Variants in CCSER1 observed in about 807,000 individuals in gnomAD.
The protein encoded by CCSER1 is serine-rich coiled-coil domain-containing protein 1.
A neutral mutation model predicts 82.0 loss-of-function variants in CCSER1; 41 were observed. The observed-to-expected ratio is 0.50, with a 90% CI of 0.39 to 0.65. CCSER1 has a LOEUF of 0.65. CCSER1 is among the 30% of genes least tolerant of loss of function. The pLI is 0.00. For missense variants in CCSER1, 1,119 were observed against 1,064.2 expected (o/e 1.05, Z -0.72); for synonymous variants, 414 against 383.9 (o/e 1.08, Z -0.92).
chr4:91,554,574 C>T (rs375706140), intron 10 of CCSER1, among the ~76,000 whole-genome samples: 1 of 151,108 alleles, frequency 6.6e-6, no homozygotes, highest in Non-Finnish European at 1.5e-5. Flanking sequence ...GGAAAAATAT[C>T]CTGTGTTGAA....
chr4:90,800,982 G>A (rs1316270335), intron 7 of CCSER1, among the ~76,000 whole-genome samples: 2 of 66,408 alleles, frequency 3.0e-5, no homozygotes, highest in African/African-American at 1.4e-4. Flanking sequence ...CTGTATAATC[G>A]AAAAAAATCA....
intron 10 of CCSER1, among the ~76,000 whole-genome samples, chr4:91,541,280 C>A (rs915999332): frequency 1.3e-5 from 2 of 152,124 alleles, no homozygotes; most frequent in African/African-American, 2.4e-5. Flanking sequence ...GCACAACGTG[C>A]AGGTTTGTTA....
At chr4:90,936,697 A>AT (rs1730975728) in intron 9 of CCSER1, among the ~76,000 whole-genome samples, 2 of 152,186 alleles carry the variant, frequency 1.3e-5, no homozygotes, top group Non-Finnish European at 2.9e-5. Flanking sequence ...ACAGAAAAAC[A>AT]GAATTCCAGA....
chr4:90,744,313 A>G lies in CCSER1; in HGVS notation c.2010+20322A>G, dbSNP rs923073544. 2.6e-5 allele frequency among the ~76,000 whole-genome samples: 4 copies of G among 152,178 alleles called. No homozygotes were observed. The South Asian group carries it at 8.3e-4, about 31-fold the overall frequency. ...ACTTAGACTCCATTTTACAGGAAGT[A>G]AGGTACCGGAAGTGGTCAAAAATTG... On this transcript the variant is annotated intron_variant, in intron 7 of 10. Coordinates refer to ENST00000509176, the MANE Select transcript of CCSER1 (RefSeq NM_001145065.2).
rs1015589447 is a variant in CCSER1, at chr4:90,127,399, C to G, written c.-474C>G. ...CGCTTGGGCCCGCCCTCCTCACAGC[C>G]CCGGAGCGCGGCCTGCCGGGGAGGT... On this transcript the variant is annotated 5_prime_UTR_variant, in exon 1 of 11. Coordinates refer to ENST00000509176, the MANE Select transcript of CCSER1 (RefSeq NM_001145065.2). 9 of 152,334 alleles carry G rather than the reference C, an allele frequency of 5.9e-5. No individual in the cohort carries two copies. Among genetic ancestry groups the G allele is most frequent in the African/African-American group, 1.9e-4 (8 of 41,460 alleles). The allele number at this position is 152,334 out of a possible 1,614,324, so 9.4% of individuals were successfully genotyped here.
At chr4:90,412,460 T>TACA (rs2153555658) in intron 4 of CCSER1, among the ~76,000 whole-genome samples, 1 of 143,788 alleles carries the variant, frequency 7.0e-6, no homozygotes, top group East Asian at 2.0e-4. Context: ...AAACTTAAAG[T>TACA]ATAATAATAA....
rs552718461 is a variant in CCSER1 at position 90,944,632 on chromosome 4, G to T, written c.2172+21185G>T. Among the ~76,000 whole-genome samples the T allele has an allele frequency of 4.6e-5, 7 of 152,230 alleles. No individual in the cohort carries two copies. The South Asian group carries it at 1.5e-3, about 32-fold the overall frequency. On this transcript the variant is annotated intron_variant, in intron 9 of 10. Coordinates refer to ENST00000509176, the MANE Select transcript of CCSER1 (RefSeq NM_001145065.2). Reference sequence around the variant, plus strand: ...TATCTCTATTTTATATCCCAACATTGTGGCATTTTCCAGAGTGCCATGCTC... The same window carrying T: ...TATCTCTATTTTATATCCCAACATTTTGGCATTTTCCAGAGTGCCATGCTC...
intron 6 of CCSER1, among the ~76,000 whole-genome samples, chr4:90,691,532 G>C (rs193037115): frequency 1.4e-5 from 2 of 147,002 alleles, no homozygotes; most frequent in Non-Finnish European, 3.0e-5. Context: ...CATATCACAC[G>C]TATAATACAT....
chr4:91,006,081 T>G, intron 9 of CCSER1, among the ~76,000 whole-genome samples: 1 of 152,212 alleles, frequency 6.6e-6, no homozygotes. Flanking sequence ...CATATGACTT[T>G]TAAGATTCTT....
chr4:91,084,610 TA>T (rs1472359781), intron 9 of CCSER1, among the ~76,000 whole-genome samples: 1 of 152,196 alleles, frequency 6.6e-6, no homozygotes, highest in African/African-American at 2.4e-5. Context: ...GCATAAGCTT[TA>T]CATTTAAGAA....
chr4:91,309,848 C>A (rs1451521474), intron 10 of CCSER1, among the ~76,000 whole-genome samples: 1 of 151,942 alleles, frequency 6.6e-6, no homozygotes, highest in African/African-American at 2.4e-5. Flanking sequence ...GTTTCCCAGG[C>A]CTGCCATAAC....
intron 4 of CCSER1, among the ~76,000 whole-genome samples, chr4:90,417,127 G>A (rs1237787855): frequency 6.6e-6 from 1 of 152,126 alleles, no homozygotes; most frequent in East Asian, 1.9e-4. Context: ...ATGACGGGTT[G>A]ATAGGTGCAG....
At chr4:91,046,335 G>A (rs1036299912) in intron 9 of CCSER1, among the ~76,000 whole-genome samples, 2 of 145,452 alleles carry the variant, frequency 1.4e-5, no homozygotes, top group Non-Finnish European at 3.1e-5. Flanking sequence ...TGTATGTATA[G>A]TTTTTCATTT....
chr4:90,831,624 G>C (rs1761121917), intron 8 of CCSER1, among the ~76,000 whole-genome samples: 1 of 152,080 alleles, frequency 6.6e-6, no homozygotes, highest in Non-Finnish European at 1.5e-5. Flanking sequence ...ACTTAAGGTT[G>C]GATGAATAGC....
chr4:91,382,823 C>G (rs1299707567), intron 10 of CCSER1, among the ~76,000 whole-genome samples: 5 of 152,190 alleles, frequency 3.3e-5, no homozygotes, highest in Admixed American at 2.6e-4. Context: ...TAGACTGGAG[C>G]TCTTCCTATT....
chr4:90,380,781 A>G lies in CCSER1; in HGVS notation c.1510-19255A>G, dbSNP rs760383708. 6.6e-5 allele frequency among the ~76,000 whole-genome samples: 10 copies of G among 152,200 alleles called. 1 individual carries two copies. Among genetic ancestry groups the G allele is most frequent in the Non-Finnish European group, 1.3e-4 (9 of 68,038 alleles). ...ATTTCTAGGTGAGATTTAGAGTTTC[A>G]TTTATGATGGAATGACCTCCTTAGG... On this transcript the variant is annotated intron_variant, in intron 3 of 10. Coordinates refer to ENST00000509176, the MANE Select transcript of CCSER1 (RefSeq NM_001145065.2).
chr4:90,352,197 G>A (rs190117512), intron 3 of CCSER1, among the ~76,000 whole-genome samples: 5,672 of 152,000 alleles, frequency 0.037, 371 homozygotes, highest in East Asian at 0.32. Flanking sequence ...GGTGGCGGGC[G>A]CCTGTTGTCC....
At chr4:90,605,996 T>A (rs13110223) in intron 5 of CCSER1, among the ~76,000 whole-genome samples, 8 of 152,262 alleles carry the variant, frequency 5.3e-5, no homozygotes, top group South Asian at 2.1e-4. Context: ...TAAAAAGAGG[T>A]ACTATATTTT....
At chr4:90,359,954 T>C (rs1252929135) in intron 3 of CCSER1, among the ~76,000 whole-genome samples, 1 of 147,714 alleles carries the variant, frequency 6.8e-6, no homozygotes, top group Admixed American at 6.7e-5. Context: ...AGTCTCACAC[T>C]GTTGCCCTGG....
Sources: gnomAD v4.1 joint callset for allele counts (sites outside exome capture counted in the v4.1 genomes callset) on GRCh38, gnomAD v4.1.1 for gene constraint, MANE v1.5 for transcripts, NCBI Gene and HGNC (gene_info 2026-07-23, HGNC 2026-07-21) for gene names.